Variants in ANK1 observed in about 807,000 individuals in gnomAD.
ANK1 encodes the protein ankyrin-1.
In ANK1, 51 loss-of-function variants were observed where a neutral mutation model predicts 210.4. That is an observed-to-expected ratio of 0.24 (90% CI 0.19 to 0.31). ANK1 has a LOEUF of 0.31. Ranked by LOEUF, ANK1 falls within the 10% of genes least tolerant of loss-of-function variation. The pLI is 1.00. For synonymous variants in ANK1, 967 were observed against 1,025.9 expected (o/e 0.94, Z 1.10); for missense variants, 2,051 against 2,504.4 (o/e 0.82, Z 3.86).
At chr8:41,702,020 C>T in intron 21 of ANK1, 32 bp downstream of exon 21, 1 of 1,593,200 alleles carries the variant, frequency 6.3e-7, no homozygotes, top group Non-Finnish European at 8.6e-7. Flanking sequence ...CTGAGTGTGT[C>T]TGGGGTGGGT....
Position 41,803,060 on chromosome 8 carries a change from A to AAAGG in ANK1, c.127-44927_127-44924dup, listed in dbSNP as rs66466616. ...AAGAAAGAGAAAGAAAGAAAGAGAG[A>AAAGG]AAGGAAGGAAGGAAGGAAGGAAGGG... On this transcript the variant is annotated intron_variant, in intron 1 of 42. Transcript: ENST00000265709. Among the ~76,000 whole-genome samples, 140 of 59,044 alleles carry AAAGG rather than the reference A, an allele frequency of 2.4e-3. 2 individuals are homozygous for AAAGG. The highest frequency in any genetic ancestry group is 0.017 in the East Asian group (61 of 3,688). 38.7% of individuals were successfully genotyped at this position (59,044 alleles called of 152,430 possible).
intron 1 of ANK1, among the ~76,000 whole-genome samples, chr8:41,848,186 A>AT (rs1810440114): frequency 7.6e-6 from 1 of 130,766 alleles, no homozygotes; most frequent in Non-Finnish European, 1.6e-5. Flanking sequence ...ACTCAATTTC[A>AT]AAAATAAATA....
At chr8:41,852,701 C>T (rs1000780140) in intron 1 of ANK1, among the ~76,000 whole-genome samples, 6 of 152,220 alleles carry the variant, frequency 3.9e-5, no homozygotes, top group Non-Finnish European at 8.8e-5. Context: ...AGCTGCAGCT[C>T]ACCACGGTCC....
chr8:41,664,673 T>TG (rs1168215505), intron 39 of ANK1: 1 of 897,698 alleles, frequency 1.1e-6, no homozygotes, highest in Non-Finnish European at 1.7e-6. Context: ...ACATGATCCC[T>TG]GGGGGCCTCC....
At chr8:41,795,471 T>G (rs1186896689) in intron 1 of ANK1, among the ~76,000 whole-genome samples, 2 of 152,050 alleles carry the variant, frequency 1.3e-5, no homozygotes. Flanking sequence ...ATCACACCAC[T>G]GCACTCCAGC....
At chr8:41,831,803 G>A (rs1247446561) in intron 1 of ANK1, among the ~76,000 whole-genome samples, 7 of 152,202 alleles carry the variant, frequency 4.6e-5, no homozygotes, top group Non-Finnish European at 1.0e-4. Context: ...CACGTCCTCA[G>A]CGTGTGAATG....
chr8:41,710,262 C>T lies in ANK1; in HGVS notation c.1801-1287G>A, dbSNP rs182996736. ...TTTTTTTTGCGCTTCATTAAAACCA[C>T]ATAAGGTCACTAGGGCAGGCATTTT... On this transcript the variant is annotated intron_variant, in intron 16 of 42. Transcript: ENST00000289734. Among the ~76,000 whole-genome samples the T allele has an allele frequency of 1.9e-3, 294 of 152,278 alleles. 2 individuals carry two copies. Among genetic ancestry groups the T allele is most frequent in the Admixed American group, 0.018 (278 of 15,300 alleles).
chr8:41,690,112 C>A lies in ANK1; in HGVS notation c.4104+115G>T, dbSNP rs984839966. The A allele has an allele frequency of 1.4e-5, 22 of 1,528,424 alleles. No homozygotes were observed. The Middle Eastern group carries it at 6.9e-4, about 48-fold the overall frequency. The allele number at this position is 1,528,424 out of a possible 1,614,324, so 94.7% of individuals were successfully genotyped here. On this transcript the variant is annotated intron_variant, in intron 33 of 42. Coordinates refer to ENST00000289734, the MANE Select transcript of ANK1 (RefSeq NM_000037.4). The stretch of plus-strand genomic sequence containing the variant: ...CAGCACCTTTGCATGCCTCGGGGGA[C>A]TCTAAGCTTCCACCAGGAAGAAGCC...
At chr8:41,888,579 T>C (rs926515744) in intron 1 of ANK1, among the ~76,000 whole-genome samples, 1 of 152,200 alleles carries the variant, frequency 6.6e-6, no homozygotes, top group African/African-American at 2.4e-5. Context: ...AAGGCCCAGA[T>C]AACAGGAAAA....
chr8:41,746,427 G>T (rs1424124234), intron 2 of ANK1, among the ~76,000 whole-genome samples: 1 of 152,148 alleles, frequency 6.6e-6, no homozygotes, highest in Non-Finnish European at 1.5e-5. Flanking sequence ...GAGAGGTGGC[G>T]CAGATGGAAA....
chr8:41,661,209 G>T (rs142065667), intron 42 of ANK1: 52 of 650,488 alleles, frequency 8.0e-5, no homozygotes, highest in African/African-American at 7.8e-4. Context: ...TGCGGTCCCT[G>T]ATAAGTGGAT....
At chr8:41,721,104 T>G (rs1829138469) in intron 9 of ANK1, among the ~76,000 whole-genome samples, 1 of 152,176 alleles carries the variant, frequency 6.6e-6, no homozygotes, top group Admixed American at 6.5e-5. Flanking sequence ...CCCCAGGACC[T>G]CAGAATGTGA....
At chr8:41,823,968 T>G (rs1804917095) in intron 1 of ANK1, among the ~76,000 whole-genome samples, 1 of 152,008 alleles carries the variant, frequency 6.6e-6, no homozygotes, top group Admixed American at 6.6e-5. Flanking sequence ...TTTTGTCTTG[T>G]TTTGTTTTTG....
chr8:41,727,313 C>A lies in ANK1; in HGVS notation c.363G>T (p.Glu121Asp). 1 of 1,614,168 alleles carries A rather than the reference C, an allele frequency of 6.2e-7. No homozygotes were observed. Among genetic ancestry groups the A allele is most frequent in the Non-Finnish European group, 8.5e-7 (1 of 1,179,986 alleles). ...AAAACTTAACCACTTCCAAGTGGTT[C>A]TCTTGTGCTGCCATGTACAGGGGTG... ...GFTPLYMAAQ[E>D]NHLEVVKFLL... The change falls in exon 5 of 43, where the codon GAG becomes GAT. Residue 121 changes from glutamate (E) to aspartate (D), a missense_variant. By Grantham distance (45) the Glu-to-Asp change is conservative. This residue lies in a region of ANK1 where 72 missense variants were observed against 133.5 expected (regional missense o/e 0.54). Coordinates refer to ENST00000289734, the MANE Select transcript of ANK1 (RefSeq NM_000037.4).
intron 1 of ANK1, among the ~76,000 whole-genome samples, chr8:41,816,572 G>T (rs1803372252): frequency 6.6e-6 from 1 of 152,172 alleles, no homozygotes; most frequent in South Asian, 2.1e-4. Context: ...CCAAGTAGCT[G>T]GGATGCACCA....
chr8:41,835,639 C>T lies in ANK1; in HGVS notation c.126+60716G>A, dbSNP rs943820098. ...TGCTGCCAGCAGAGCCCACACTGGC[C>T]GCAGGGCTGCTTCTGTGCAGCCTGC... On this transcript the variant is annotated intron_variant, in intron 1 of 42. Transcript: ENST00000265709. Among the ~76,000 whole-genome samples the T allele has an allele frequency of 5.3e-5, 8 of 152,286 alleles. No individual in the cohort carries two copies. In the East Asian group the frequency reaches 1.2e-3, roughly 22 times the overall value.
chr8:41,794,035 C>G (rs1848261630), intron 1 of ANK1, among the ~76,000 whole-genome samples: 1 of 152,168 alleles, frequency 6.6e-6, no homozygotes, highest in East Asian at 1.9e-4. Flanking sequence ...ATTTGCCACA[C>G]TATATCAGGT....
chr8:41,878,349 G>A (rs765265510), intron 1 of ANK1, among the ~76,000 whole-genome samples: 36 of 152,140 alleles, frequency 2.4e-4, no homozygotes, highest in Non-Finnish European at 4.3e-4. Context: ...ATCATCCCCT[G>A]CCTGCACAGG....
At chr8:41,765,427 TG>T (rs1841550585) in intron 1 of ANK1, among the ~76,000 whole-genome samples, 1 of 152,036 alleles carries the variant, frequency 6.6e-6, no homozygotes, top group Non-Finnish European at 1.5e-5. Context: ...CTTTATTTTT[TG>T]TAGAGATAAA....
Sources: gnomAD v4.1 joint callset for allele counts (sites outside exome capture counted in the v4.1 genomes callset) on GRCh38, gnomAD v4.1.1 for gene constraint, gnomAD v4.1.1 regional missense constraint, MANE v1.5 for transcripts, NCBI Gene and HGNC (gene_info 2026-07-23, HGNC 2026-07-21) for gene names.